The following THSD7A variants were observed in gnomAD, a reference collection of about 807,000 sequenced individuals.
THSD7A encodes the protein thrombospondin type 1 domain containing 7A, also known as thrombospondin type-1 domain-containing protein 7A.
In THSD7A, 96 loss-of-function variants were observed where a neutral mutation model predicts 231.3. The ratio of observed to expected loss-of-function variants is 0.41; its 90% confidence interval spans 0.35 to 0.49. THSD7A has a LOEUF of 0.49. Among genes scored for constraint, THSD7A ranks in the 20% least tolerant of loss-of-function variants. The probability of loss-of-function intolerance (pLI) is 0.05; values close to 1 mark genes in which losing one functional copy is unlikely to be tolerated. For synonymous variants in THSD7A, 940 were observed against 743.3 expected (o/e 1.26, Z -4.30); for missense variants, 2,290 against 2,070.2 (o/e 1.11, Z -2.06).
At chr7:11,510,083 A>T (rs1787740585) in intron 6 of THSD7A, among the ~76,000 whole-genome samples, 1 of 152,154 alleles carries the variant, frequency 6.6e-6, no homozygotes, top group African/African-American at 2.4e-5. Flanking sequence ...TTTGAAAAAG[A>T]TACTTGCACA....
At chr7:11,554,068 T>C (rs1394231198) in intron 4 of THSD7A, among the ~76,000 whole-genome samples, 1 of 152,046 alleles carries the variant, frequency 6.6e-6, no homozygotes, top group Non-Finnish European at 1.5e-5. Context: ...ATAGGCAAGA[T>C]TGTATAAACA....
chr7:11,450,204 CCAATA>C (rs1316573129), intron 11 of THSD7A, among the ~76,000 whole-genome samples: 3 of 152,004 alleles, frequency 2.0e-5, no homozygotes, highest in African/African-American at 7.2e-5. Context: ...AACACTACTA[CCAATA>C]CAATTCCAGA....
intron 14 of THSD7A, among the ~76,000 whole-genome samples, chr7:11,427,319 T>C (rs1045687602): frequency 1.3e-5 from 2 of 152,228 alleles, no homozygotes; most frequent in Admixed American, 6.5e-5. Context: ...GCAGAACATT[T>C]AGGCTCAAAT....
chr7:11,434,564 A>T (rs1363182265), intron 13 of THSD7A, among the ~76,000 whole-genome samples: 1 of 152,108 alleles, frequency 6.6e-6, no homozygotes, highest in Non-Finnish European at 1.5e-5. Context: ...GCACATAGAA[A>T]ATACTGGTTG....
chr7:11,646,538 A>G (rs572505926), intron 1 of THSD7A, among the ~76,000 whole-genome samples: 1 of 152,142 alleles, frequency 6.6e-6, no homozygotes, highest in South Asian at 2.1e-4. Context: ...TAGCACTAAG[A>G]ACTGCATAAC....
In THSD7A at chr7:11,406,212, T is replaced by C. The variant is rs1467724156; in HGVS notation, c.4237+88A>G. The stretch of plus-strand genomic sequence containing the variant: ...CTGAATAAGAAGACTGTTGACATCC[T>C]GTAACTTATACTTTATATGCAACCC... On this transcript the variant is annotated intron_variant, in intron 22 of 27. Coordinates refer to ENST00000423059, the MANE Select transcript of THSD7A (RefSeq NM_015204.3). This position sits in a 1 kb window ranked among gnomAD's most constrained non-coding sequence, Gnocchi z 4.7. The C allele has an allele frequency of 7.6e-7, 1 of 1,321,274 alleles. No individual in the cohort carries two copies. The highest frequency in any genetic ancestry group is 1.0e-6 in the Non-Finnish European group (1 of 959,632). 81.8% of individuals were successfully genotyped at this position (1,321,274 alleles called of 1,614,324 possible). A position where few individuals can be genotyped will look rare whatever the true frequency, so the allele number is the denominator to read the frequency against.
intron 1 of THSD7A, among the ~76,000 whole-genome samples, chr7:11,716,115 C>T (rs1283086735): frequency 6.6e-6 from 1 of 151,526 alleles, no homozygotes; most frequent in African/African-American, 2.4e-5. Context: ...ACTACTTACC[C>T]TTCTTTCTAG....
chr7:11,760,141 A>T (rs1188251038), intron 1 of THSD7A, among the ~76,000 whole-genome samples: 1 of 152,096 alleles, frequency 6.6e-6, no homozygotes, highest in East Asian at 1.9e-4. Flanking sequence ...AAATATTTCC[A>T]ATAAAATGCC....
At chr7:11,723,182 T>C (rs1781419957) in intron 1 of THSD7A, among the ~76,000 whole-genome samples, 1 of 151,900 alleles carries the variant, frequency 6.6e-6, no homozygotes, top group Non-Finnish European at 1.5e-5. Flanking sequence ...TGTAGGGACA[T>C]GGATGAAGCT....
chr7:11,464,492 T>C (rs1323238548), intron 9 of THSD7A, among the ~76,000 whole-genome samples: 1 of 152,158 alleles, frequency 6.6e-6, no homozygotes. Flanking sequence ...AGGAAGCAGC[T>C]ACCAAACATT....
rs1781867924 is a variant in THSD7A, at chr7:11,636,624, G to A, written c.528C>T (p.Tyr176=). Residue 176 remains tyrosine (Y), a synonymous_variant, in exon 2 of 28, where the codon TAC becomes TAT. Coordinates refer to ENST00000423059, the MANE Select transcript of THSD7A (RefSeq NM_015204.3). The surrounding 1 kb of genome is among the most constrained non-coding windows in gnomAD (Gnocchi z 10.0). ...DIPAEDIICE[Y]FEPKPLLEQA... ...GCTCCAGGAGAGGCTTGGGCTCAAA[G>A]TACTCACAGATGATATCCTCCGCAG... 6.2e-7 allele frequency: 1 copy of A among 1,613,966 alleles called. No individual in the cohort carries two copies. The highest frequency in any genetic ancestry group is 8.5e-7 in the Non-Finnish European group (1 of 1,179,894).
chr7:11,744,840 A>G (rs968367476), intron 1 of THSD7A, among the ~76,000 whole-genome samples: 1 of 151,792 alleles, frequency 6.6e-6, no homozygotes. Context: ...CCAGTCTATC[A>G]TTTTTTGGAC....
intron 13 of THSD7A, among the ~76,000 whole-genome samples, chr7:11,443,192 T>C (rs2128293637): frequency 6.6e-6 from 1 of 152,192 alleles, no homozygotes; most frequent in East Asian, 1.9e-4. Context: ...TCACAGGTAA[T>C]GTTAAACAAT....
At chr7:11,522,690 C>T (rs749862105) in intron 6 of THSD7A, among the ~76,000 whole-genome samples, 7 of 151,960 alleles carry the variant, frequency 4.6e-5, no homozygotes, top group South Asian at 2.1e-4. Flanking sequence ...ATATCAAGGC[C>T]GTGGAAATAG....
At chr7:11,473,191 G>C (rs1786005868) in intron 8 of THSD7A, among the ~76,000 whole-genome samples, 1 of 152,042 alleles carries the variant, frequency 6.6e-6, no homozygotes, top group Non-Finnish European at 1.5e-5. Context: ...TGGAACCCTG[G>C]CCAGACACAA....
At chr7:11,603,264 A>G (rs1164287421) in intron 2 of THSD7A, among the ~76,000 whole-genome samples, 4 of 151,456 alleles carry the variant, frequency 2.6e-5, no homozygotes, top group African/African-American at 4.8e-5. Flanking sequence ...GCAGCCAAAA[A>G]ACACATGAAA....
chr7:11,417,566 C>T lies in THSD7A; in HGVS notation c.3421G>A (p.Val1141Ile), dbSNP rs1784003231. ...TCTGGGTCACAGAGGTAATCCTCTA[C>T]ATGTTCAGAAGGGCCATCTGCTGTA... ...QNTADGPSEH[V>I]EDYLCDPEEM... Residue 1141 changes from valine to isoleucine, a missense_variant, in exon 17 of 28, where the codon GTA becomes ATA. Coordinates refer to ENST00000423059, the MANE Select transcript of THSD7A (RefSeq NM_015204.3). 1.2e-6 allele frequency: 2 copies of T among 1,612,934 alleles called. No individual in the cohort carries two copies. Among genetic ancestry groups the T allele is most frequent in the Non-Finnish European group, 1.7e-6 (2 of 1,179,600 alleles).
intron 1 of THSD7A, among the ~76,000 whole-genome samples, chr7:11,736,447 C>A (rs1025478556): frequency 2.0e-5 from 3 of 147,552 alleles, no homozygotes; most frequent in Admixed American, 2.0e-4. Flanking sequence ...GGTGACACAG[C>A]AGACTCTGTG....
intron 4 of THSD7A, among the ~76,000 whole-genome samples, chr7:11,553,237 CT>C (rs541486771): frequency 6.6e-6 from 1 of 152,042 alleles, no homozygotes. Flanking sequence ...TATACATAAG[CT>C]TTTTTTCATT....
Sources: gnomAD v4.1 joint callset for allele counts (sites outside exome capture counted in the v4.1 genomes callset) on GRCh38, gnomAD v4.1.1 for gene constraint, Gnocchi (gnomAD v3.1) non-coding constraint, MANE v1.5 for transcripts, NCBI Gene and HGNC (gene_info 2026-07-23, HGNC 2026-07-21) for gene names.